Variants in ARHGAP42 observed in about 807,000 individuals in gnomAD.
ARHGAP42 encodes Rho GTPase activating protein 42.
Under a neutral mutation model 125.0 loss-of-function variants are expected in ARHGAP42, and 63 were observed. The ratio of observed to expected loss-of-function variants is 0.50; its 90% confidence interval spans 0.41 to 0.62. ARHGAP42 has a LOEUF of 0.62. Ranked by LOEUF, ARHGAP42 falls within the 20% of genes least tolerant of loss-of-function variation. The pLI, the probability that ARHGAP42 is intolerant of heterozygous loss-of-function variation, is 0.00. For missense variants in ARHGAP42, 766 were observed against 1,024.2 expected, an observed-to-expected ratio of 0.75 and a Z score of 3.44; for synonymous variants, 339 against 351.0, an observed-to-expected ratio of 0.97 and a Z score of 0.38.
intron 3 of ARHGAP42, among the ~76,000 whole-genome samples, chr11:100,826,351 C>G (rs1289572164): frequency 1.3e-5 from 2 of 152,110 alleles, no homozygotes; most frequent in African/African-American, 4.8e-5. Context: ...CCCTGCAACT[C>G]AGGATGCTTC....
chr11:100,847,385 T>C (rs777336100), intron 3 of ARHGAP42, among the ~76,000 whole-genome samples: 1 of 152,092 alleles, frequency 6.6e-6, no homozygotes. Flanking sequence ...ATGGTAGAAA[T>C]CAAGGCTTTC....
intron 3 of ARHGAP42, among the ~76,000 whole-genome samples, chr11:100,829,085 C>T (rs1591216270): frequency 1.3e-5 from 2 of 152,174 alleles, no homozygotes; most frequent in Non-Finnish European, 2.9e-5. Flanking sequence ...CTTTGCTCTC[C>T]TTTCCTGCCA....
intron 1 of ARHGAP42, among the ~76,000 whole-genome samples, chr11:100,696,414 C>T (rs1433513098): frequency 1.3e-5 from 2 of 151,842 alleles, no homozygotes; most frequent in African/African-American, 4.8e-5. Flanking sequence ...AGTGCAATGG[C>T]GTGATCTTGG....
chr11:100,950,548 G>A (rs1857625673), intron 12 of ARHGAP42, among the ~76,000 whole-genome samples: 1 of 151,442 alleles, frequency 6.6e-6, no homozygotes, highest in African/African-American at 2.4e-5. Flanking sequence ...TGGAAAAGAT[G>A]TTTTTACTGT....
At chr11:100,859,040 G>A (rs1013123162) in intron 3 of ARHGAP42, among the ~76,000 whole-genome samples, 4 of 152,012 alleles carry the variant, frequency 2.6e-5, no homozygotes, top group Non-Finnish European at 5.9e-5. Flanking sequence ...TTTTAGTCAG[G>A]TTGGAAACAT....
At position 100,962,463 on chromosome 11, in the gene ARHGAP42, T is replaced by C; in HGVS notation, c.1440T>C (p.Ala480=). ...TYKLHKDFII[A]VKSDDQNYRV... is the part of the protein sequence containing the mutation. The stretch of plus-strand genomic sequence containing the variant: ...AGTTGCACAAAGATTTTATCATTGC[T>C]GTTAGTAAGTATACTTGCATCATAT... The change falls in exon 16 of 24, where the codon GCT becomes GCC. Residue 480 remains alanine (A), a synonymous_variant. Transcript: ENST00000298815. 1.3e-6 allele frequency: 2 copies of C among 1,549,456 alleles called. No individual in the cohort carries two copies. The highest frequency in any genetic ancestry group is 1.4e-5 in the African/African-American group (1 of 73,144).
chr11:100,724,478 ATT>A (rs951530229), intron 1 of ARHGAP42, among the ~76,000 whole-genome samples: 5 of 152,004 alleles, frequency 3.3e-5, no homozygotes, highest in African/African-American at 1.2e-4. Flanking sequence ...GTTTTTAGTT[ATT>A]ATTATTATTT....
intron 3 of ARHGAP42, among the ~76,000 whole-genome samples, chr11:100,843,345 AG>A (rs889586997): frequency 1.3e-5 from 2 of 152,046 alleles, no homozygotes; most frequent in African/African-American, 4.8e-5. Flanking sequence ...ACAAAAAAAA[AG>A]TCCAGGAACA....
intron 3 of ARHGAP42, among the ~76,000 whole-genome samples, chr11:100,847,373 G>A (rs530428947): frequency 2.6e-5 from 4 of 152,130 alleles, no homozygotes; most frequent in Admixed American, 6.5e-5. Context: ...TCTGCCATGC[G>A]CATGGTAGAA....
intron 1 of ARHGAP42, among the ~76,000 whole-genome samples, chr11:100,756,502 A>G (rs189049616): frequency 8.9e-4 from 135 of 150,946 alleles, no homozygotes; most frequent in African/African-American, 3.1e-3. Context: ...GGAACCGATG[A>G]TAAGAAGTTT....
At chr11:100,785,899 T>C (rs1245627024) in intron 2 of ARHGAP42, among the ~76,000 whole-genome samples, 1 of 152,184 alleles carries the variant, frequency 6.6e-6, no homozygotes, top group Non-Finnish European at 1.5e-5. Flanking sequence ...TAATGGTTTG[T>C]TGGGAGAGAA....
intron 4 of ARHGAP42, among the ~76,000 whole-genome samples, chr11:100,910,489 A>G (rs187774309): frequency 2.0e-5 from 3 of 152,320 alleles, no homozygotes; most frequent in South Asian, 2.1e-4. Context: ...TGCCATATCA[A>G]TAAGAAAACA....
intron 2 of ARHGAP42, among the ~76,000 whole-genome samples, 186 bp from the exon 3 acceptor site, chr11:100,794,919 C>G (rs1487493618): frequency 2.0e-5 from 3 of 151,850 alleles, no homozygotes; most frequent in Non-Finnish European, 2.9e-5. Context: ...GATTAGGATC[C>G]TATTGTATAT....
chr11:100,751,527 A>C (rs1240133628), intron 1 of ARHGAP42, among the ~76,000 whole-genome samples: 2 of 151,288 alleles, frequency 1.3e-5, no homozygotes, highest in African/African-American at 4.9e-5. Context: ...GACCAGCAGG[A>C]GAGGTGTTCC....
intron 1 of ARHGAP42, among the ~76,000 whole-genome samples, chr11:100,690,991 T>C (rs1018788329): frequency 6.6e-6 from 1 of 152,202 alleles, no homozygotes; most frequent in Non-Finnish European, 1.5e-5. Flanking sequence ...GATTTGACTT[T>C]TGGTGTTATC....
intron 4 of ARHGAP42, among the ~76,000 whole-genome samples, chr11:100,908,388 C>T (rs888025944): frequency 2.6e-5 from 4 of 152,154 alleles, no homozygotes; most frequent in Non-Finnish European, 5.9e-5. Flanking sequence ...AATGTTTCAT[C>T]CTTCACCTGC....
intron 1 of ARHGAP42, among the ~76,000 whole-genome samples, chr11:100,766,387 A>AG (rs1434392144): frequency 6.6e-6 from 1 of 152,184 alleles, no homozygotes. Context: ...TAAGAGAAAA[A>AG]GTTGACTCTT....
In ARHGAP42 at chr11:100,976,829, A is replaced by C. The variant is rs115045903; in HGVS notation, c.2251A>C (p.Ser751Arg). 1.4e-3 allele frequency: 2,129 copies of C among 1,550,588 alleles called. 30 individuals are homozygous for C. The African/African-American group carries it at 0.025, about 18-fold the overall frequency. The change falls in exon 21 of 24, where the codon AGT becomes CGT. Residue 751 changes from serine to arginine, a missense_variant. Coordinates refer to ENST00000298815, the MANE Select transcript of ARHGAP42 (RefSeq NM_152432.4). ...ISAAEGNKSYSGSIQSLTSVG... is the reference protein window; with the variant it reads ...ISAAEGNKSYRGSIQSLTSVG... Reference sequence around the variant, plus strand: ...TTTCTTTTTAGGAAACAAGAGCTACAGTGGATCTATTCAAAGCTTAACTTC... The same window carrying C: ...TTTCTTTTTAGGAAACAAGAGCTACCGTGGATCTATTCAAAGCTTAACTTC...
At chr11:100,855,974 A>G (rs1222685161) in intron 3 of ARHGAP42, among the ~76,000 whole-genome samples, 1 of 152,088 alleles carries the variant, frequency 6.6e-6, no homozygotes, top group Non-Finnish European at 1.5e-5. Context: ...TATCTTATCA[A>G]TATTTAGGGA....
Sources: gnomAD v4.1 joint callset for allele counts (sites outside exome capture counted in the v4.1 genomes callset) on GRCh38, gnomAD v4.1.1 for gene constraint, MANE v1.5 for transcripts, NCBI Gene and HGNC (gene_info 2026-07-23, HGNC 2026-07-21) for gene names.